Variants in WARS2 observed in about 807,000 individuals in gnomAD.
WARS2 encodes the protein tryptophan--tRNA ligase, mitochondrial.
Under a neutral mutation model 36.5 loss-of-function variants are expected in WARS2, and 28 were observed. The ratio of observed to expected loss-of-function variants is 0.77; its 90% CI spans 0.57 to 1.05. The LOEUF is 1.05. WARS2 is among the 50% of genes least tolerant of loss of function. WARS2 has a pLI of 0.00. For missense variants in WARS2, 435 were observed against 456.8 expected, an observed-to-expected ratio of 0.95 and a Z score of 0.44; for synonymous variants, 174 against 178.4, an observed-to-expected ratio of 0.98 and a Z score of 0.20.
intron 1 of WARS2, chr1:119,126,654 T>C: frequency 1.4e-6 from 1 of 716,056 alleles, no homozygotes; most frequent in Middle Eastern, 3.9e-4. Flanking sequence ...CTCCATAAGT[T>C]TTCCCAATTC....
At chr1:119,084,889 G>T (rs587642519) in intron 1 of WARS2, 7 of 301,954 alleles carry the variant, frequency 2.3e-5, no homozygotes, top group Non-Finnish European at 3.8e-5. Flanking sequence ...GGAGTTAAAA[G>T]AATCCAGCCC....
intron 4 of WARS2, among the ~76,000 whole-genome samples, chr1:119,035,479 C>T (rs546897335): frequency 6.6e-6 from 1 of 151,608 alleles, no homozygotes; most frequent in Non-Finnish European, 1.5e-5. Context: ...AGTAAGAGCT[C>T]AATAAATGGT....
At chr1:119,039,275 T>C (rs1180088808) in intron 4 of WARS2, among the ~76,000 whole-genome samples, 1 of 152,186 alleles carries the variant, frequency 6.6e-6, no homozygotes, top group Admixed American at 6.5e-5. Context: ...GTGCCCTTTT[T>C]CCGGATCAGT....
intron 4 of WARS2, among the ~76,000 whole-genome samples, chr1:119,036,671 A>C (rs1398725081): frequency 6.6e-6 from 1 of 152,244 alleles, no homozygotes; most frequent in Non-Finnish European, 1.5e-5. Flanking sequence ...ATGGTTCCAG[A>C]TTCACAAAGC....
At chr1:119,042,218 T>C in intron 4 of WARS2, 46 bp downstream of exon 4, 1 of 1,580,050 alleles carries the variant, frequency 6.3e-7, no homozygotes, top group Non-Finnish European at 8.7e-7. Context: ...AAACACTCTC[T>C]TGTCACCATG....
Position 119,032,967 on chromosome 1 carries a change from T to C in WARS2, c.1027A>G (p.Lys343Glu), listed in dbSNP as rs916656828. The change falls in exon 6 of 6, where the codon AAA (lysine) becomes GAA (glutamate). Residue 343 changes from lysine to glutamate, a missense_variant. Physicochemically the swap from Lys to Glu is moderately conservative, Grantham distance 56. Coordinates refer to ENST00000235521, the MANE Select transcript of WARS2 (RefSeq NM_015836.4). ...KVLQIGSAKA[K>E]ELAYTVCQEV... ...TGGCACACAGTGTATGCTAATTCTT[T>C]GGCTTTTGCTGATCCAATTTGTAAA... is the stretch of plus-strand genomic sequence containing the variant. 1 of 1,614,128 alleles carries C rather than the reference T, an allele frequency of 6.2e-7. No homozygotes were observed. The highest frequency in any genetic ancestry group is 1.3e-5 in the African/African-American group (1 of 74,948).
chr1:119,117,819 G>A (rs2101526502), intron 1 of WARS2, among the ~76,000 whole-genome samples: 1 of 152,200 alleles, frequency 6.6e-6, no homozygotes, highest in South Asian at 2.1e-4. Flanking sequence ...GCTAGACCCA[G>A]AAAAGCAATA....
intron 1 of WARS2, among the ~76,000 whole-genome samples, chr1:119,135,757 GAT>G (rs1458175300): frequency 4.5e-5 from 6 of 132,818 alleles, no homozygotes; most frequent in Admixed American, 8.0e-5. Flanking sequence ...TAGATAGAGA[GAT>G]AGAGAGAGAG....
chr1:119,076,916 G>A (rs1052844984), intron 1 of WARS2, among the ~76,000 whole-genome samples: 6 of 151,998 alleles, frequency 3.9e-5, no homozygotes, highest in African/African-American at 1.2e-4. Context: ...GAAGAGGGTG[G>A]ATCACCTGAG....
intron 3 of WARS2, 35 bp from the exon 4 acceptor site, chr1:119,042,384 C>G (rs1194197093): frequency 6.2e-7 from 1 of 1,601,322 alleles, no homozygotes; most frequent in Non-Finnish European, 8.6e-7. Context: ...GGGAAGAAAT[C>G]TGAAATCTGA....
At chr1:119,127,635 G>A (rs748857927) in intron 1 of WARS2, among the ~76,000 whole-genome samples, 2 of 152,154 alleles carry the variant, frequency 1.3e-5, no homozygotes, top group African/African-American at 4.8e-5. Flanking sequence ...AAAGCCATCT[G>A]AGAGAATGAT....
At chr1:119,133,494 A>G (rs1656252707) in intron 1 of WARS2, among the ~76,000 whole-genome samples, 1 of 152,246 alleles carries the variant, frequency 6.6e-6, no homozygotes, top group Non-Finnish European at 1.5e-5. Context: ...CTTGCTAGCT[A>G]TGTAACCTTA....
chr1:119,039,539 T>A (rs1271650795), intron 4 of WARS2, among the ~76,000 whole-genome samples: 1 of 152,102 alleles, frequency 6.6e-6, no homozygotes, highest in Non-Finnish European at 1.5e-5. Flanking sequence ...GGAGAAATAA[T>A]ACAGATGCAA....
intron 2 of WARS2, among the ~76,000 whole-genome samples, chr1:119,049,655 T>G (rs1388445349): frequency 2.6e-5 from 4 of 152,172 alleles, no homozygotes; most frequent in Non-Finnish European, 5.9e-5. Flanking sequence ...CCAAATCTGC[T>G]CTATCCACAG....
intron 1 of WARS2, among the ~76,000 whole-genome samples, chr1:119,081,918 G>C (rs1043723596): frequency 2.6e-5 from 4 of 152,122 alleles, no homozygotes; most frequent in African/African-American, 9.7e-5. Flanking sequence ...GAAAGCACTG[G>C]AGAGTCCAGG....
At chr1:119,104,722 T>G (rs377617710) in intron 1 of WARS2, among the ~76,000 whole-genome samples, 1 of 150,784 alleles carries the variant, frequency 6.6e-6, no homozygotes, top group African/African-American at 2.4e-5. Flanking sequence ...CATTTGAACT[T>G]TTACCTAAAT....
intron 1 of WARS2, among the ~76,000 whole-genome samples, chr1:119,106,888 G>A (rs1037830441): frequency 1.3e-5 from 2 of 152,222 alleles, no homozygotes; most frequent in Non-Finnish European, 2.9e-5. Flanking sequence ...CTGCCAGATT[G>A]TCTTCCAAGG....
intron 1 of WARS2, chr1:119,085,980 A>G (rs1652629151): frequency 6.2e-7 from 1 of 1,607,194 alleles, no homozygotes; most frequent in African/African-American, 1.3e-5. Context: ...CTCAGCGTTC[A>G]GGTATCAGTG....
chr1:119,072,106 G>A (rs1034098217), intron 2 of WARS2, among the ~76,000 whole-genome samples: 10 of 152,218 alleles, frequency 6.6e-5, no homozygotes, highest in Admixed American at 6.5e-4. Context: ...GTTTCCAGAA[G>A]ACTAGTTTAT....
Sources: gnomAD v4.1 joint callset for allele counts (sites outside exome capture counted in the v4.1 genomes callset) on GRCh38, gnomAD v4.1.1 for gene constraint, MANE v1.5 for transcripts, NCBI Gene and HGNC (gene_info 2026-07-23, HGNC 2026-07-21) for gene names.